Variants in NPLOC4 observed in about 807,000 individuals in gnomAD.
NPLOC4 encodes the protein NPL4 homolog, ubiquitin recognition factor.
Under a neutral mutation model 80.6 loss-of-function variants are expected in NPLOC4, and 18 were observed. The ratio of observed to expected loss-of-function variants is 0.22; its 90% confidence interval spans 0.15 to 0.33. NPLOC4 has a LOEUF of 0.33. NPLOC4 is among the 10% of genes least tolerant of loss of function. The pLI is 1.00. For missense variants in NPLOC4, 540 were observed against 786.1 expected (o/e 0.69, Z 3.74); for synonymous variants, 313 against 301.5 (o/e 1.04, Z -0.39).
At chr17:81,563,859 A>G (rs1351319123) in intron 16 of NPLOC4, 2 of 449,832 alleles carry the variant, frequency 4.4e-6, no homozygotes, top group East Asian at 1.4e-4. Flanking sequence ...ATGCAGGAAC[A>G]GCAAACCAAA....
chr17:81,591,447 G>GAAAAA (rs71367067), intron 11 of NPLOC4, among the ~76,000 whole-genome samples: 1,386 of 76,278 alleles, frequency 0.018, 97 homozygotes, highest in Non-Finnish European at 0.026. Context: ...GAGTAAAACA[G>GAAAAA]AAAAAAAAAA....
intron 12 of NPLOC4, among the ~76,000 whole-genome samples, chr17:81,586,680 G>A (rs936862410): frequency 6.6e-6 from 1 of 152,078 alleles, no homozygotes; most frequent in South Asian, 2.1e-4. Context: ...GCTGTATGAG[G>A]CATGAGGAAA....
At position 81,567,422 on chromosome 17, in the gene NPLOC4, G is replaced by A. The variant is rs374288121; in HGVS notation, c.1561C>T (p.Leu521=). ...LFLVTNEVMP[L]QDSISLLLEA... Reference sequence around the variant, plus strand: ...CACCACACTTGGACACGCACCTGCAGAGGCATAACTTCATTGGTGACCAGG... The same window carrying A: ...CACCACACTTGGACACGCACCTGCAAAGGCATAACTTCATTGGTGACCAGG... The change falls in exon 15 of 17, where the codon CTG becomes TTG. Residue 521 remains leucine, a synonymous_variant. Coordinates refer to ENST00000331134, the MANE Select transcript of NPLOC4 (RefSeq NM_017921.4). The surrounding 1 kb of genome is among the most constrained non-coding windows in gnomAD (Gnocchi z 4.5). 3.1e-6 allele frequency: 5 copies of A among 1,604,250 alleles called. No individual in the cohort carries two copies. Among genetic ancestry groups the A allele is most frequent in the Non-Finnish European group, 4.3e-6 (5 of 1,171,476 alleles).
chr17:81,583,520 G>A (rs575857850), intron 12 of NPLOC4, among the ~76,000 whole-genome samples: 1 of 152,174 alleles, frequency 6.6e-6, no homozygotes. Context: ...AAAGCCCCAC[G>A]TCCTGCCACC....
At chr17:81,602,974 CACAAAT>C (rs1402671000) in intron 8 of NPLOC4, among the ~76,000 whole-genome samples, 3 of 91,884 alleles carry the variant, frequency 3.3e-5, no homozygotes, top group Non-Finnish European at 6.4e-5. Context: ...CATATATATA[CACAAAT>C]ACACACACAC....
At chr17:81,578,750 C>A (rs755419293) in intron 12 of NPLOC4, among the ~76,000 whole-genome samples, 2 of 152,198 alleles carry the variant, frequency 1.3e-5, no homozygotes, top group Non-Finnish European at 2.9e-5. Flanking sequence ...ATTATCTCCA[C>A]CTCATCTCTC....
intron 12 of NPLOC4, among the ~76,000 whole-genome samples, chr17:81,579,497 G>A (rs1303658995): frequency 6.6e-6 from 1 of 152,070 alleles, no homozygotes; most frequent in Non-Finnish European, 1.5e-5. Context: ...TGGTCTAAAA[G>A]GTGGTCTCCA....
intron 7 of NPLOC4, 59 bp downstream of exon 7, chr17:81,606,632 C>G (rs2035210885): frequency 1.3e-6 from 2 of 1,577,844 alleles, no homozygotes; most frequent in African/African-American, 1.4e-5. Context: ...AGGGGCTCTT[C>G]TGGAAATATC....
chr17:81,588,922 CT>C, intron 12 of NPLOC4, 21 bp downstream of exon 12: 1 of 1,605,742 alleles, frequency 6.2e-7, no homozygotes, highest in East Asian at 2.2e-5. Context: ...GTACAGAGTT[CT>C]TTTTCTTACC....
chr17:81,589,182 T>C (rs2034666233), intron 11 of NPLOC4, 78 bp from the exon 12 acceptor site: 7 of 1,261,246 alleles, frequency 5.6e-6, no homozygotes, highest in South Asian at 1.5e-5. Flanking sequence ...TCTTCACCTC[T>C]GATCAACAGA....
intron 1 of NPLOC4, among the ~76,000 whole-genome samples, chr17:81,635,371 AAAAAG>A (rs1271772810): frequency 6.7e-6 from 1 of 148,992 alleles, no homozygotes; most frequent in African/African-American, 2.6e-5. Context: ...AAAAAAAAAA[AAAAAG>A]GAGTCGACGT....
chr17:81,572,526 G>GTA lies in NPLOC4; in HGVS notation c.1282-440_1282-439dup, dbSNP rs2034189411. Among the ~76,000 whole-genome samples the GTA allele has an allele frequency of 6.6e-6, 1 of 152,226 alleles. No individual in the cohort carries two copies. Among genetic ancestry groups the GTA allele is most frequent in the African/African-American group, 2.4e-5 (1 of 41,464 alleles). ...AAATTACTTCAAATCTTATTGAAGT[G>GTA]TATGGATAGCAGAAAGGAAAACGTG... On this transcript the variant is annotated intron_variant, in intron 12 of 16. Coordinates refer to ENST00000331134, the MANE Select transcript of NPLOC4 (RefSeq NM_017921.4). This position sits in a 1 kb window ranked among gnomAD's most constrained non-coding sequence, Gnocchi z 4.5.
intron 7 of NPLOC4, 45 bp downstream of exon 7, chr17:81,606,644 GTT>G: frequency 6.3e-7 from 1 of 1,589,458 alleles, no homozygotes; most frequent in Non-Finnish European, 8.6e-7. Flanking sequence ...GGAAATATCC[GTT>G]TCTCAGCCAT....
At chr17:81,622,316 G>A in intron 2 of NPLOC4, 38 bp from the exon 3 acceptor site, 1 of 1,439,956 alleles carries the variant, frequency 6.9e-7, no homozygotes, top group Non-Finnish European at 9.8e-7. Context: ...TTAATGAAAT[G>A]CTAAAGTATC....
In NPLOC4 at chr17:81,580,954, C is replaced by A. The variant is rs1435875649; in HGVS notation, c.1281+7990G>T. Reference sequence around the variant, plus strand: ...AGCTGGGGGCCTGGGAGAGACATGGCATGGAAGTACAAAATCCCCAGTGGC... The same window carrying A: ...AGCTGGGGGCCTGGGAGAGACATGGAATGGAAGTACAAAATCCCCAGTGGC... On this transcript the variant is annotated intron_variant, in intron 12 of 16. Transcript: ENST00000331134. The surrounding 1 kb of genome is among the most constrained non-coding windows in gnomAD (Gnocchi z 4.4). 1.3e-5 allele frequency among the ~76,000 whole-genome samples: 2 copies of A among 152,172 alleles called. No homozygotes were observed. Among genetic ancestry groups the A allele is most frequent in the Non-Finnish European group, 2.9e-5 (2 of 68,014 alleles).
chr17:81,561,472 A>G (rs1160249232), intron 16 of NPLOC4, among the ~76,000 whole-genome samples: 1 of 152,180 alleles, frequency 6.6e-6, no homozygotes, highest in African/African-American at 2.4e-5. Context: ...TTATTTATCA[A>G]TTTACCTATT....
At position 81,616,333 on chromosome 17, in the gene NPLOC4, A is replaced by AAAAAAAAAAAAAAAAAAAAGAAAC. The variant is rs780878214; in HGVS notation, c.210-2840_210-2839insGTTTCTTTTTTTTTTTTTTTTTTT. 2.9e-4 allele frequency among the ~76,000 whole-genome samples: 33 copies of AAAAAAAAAAAAAAAAAAAAGAAAC among 115,614 alleles called. 2 individuals are homozygous for AAAAAAAAAAAAAAAAAAAAGAAAC. The highest frequency in any genetic ancestry group is 8.0e-4 in the Admixed American group (8 of 9,974). 75.8% of individuals were successfully genotyped at this position (115,614 alleles called of 152,430 possible). On this transcript the variant is annotated intron_variant, in intron 3 of 16. Transcript: ENST00000331134. Reference sequence around the variant, plus strand: ...AAGACTCTGTCTCAAAAAAAAAAAAAAAAAAGAAAAGCAAAGCTGCTAAAT... The same window carrying AAAAAAAAAAAAAAAAAAAAGAAAC: ...AAGACTCTGTCTCAAAAAAAAAAAAAAAAAAAAAAAAAAAAAAAAGAAACAAAAAGAAAAGCAAAGCTGCTAAAT...
chr17:81,566,650 A>G (rs1449303904), intron 15 of NPLOC4: 2 of 152,286 alleles, frequency 1.3e-5, no homozygotes, highest in Non-Finnish European at 2.9e-5. Flanking sequence ...AGGATACAAG[A>G]ACAGCTATAG....
chr17:81,627,555 C>G (rs1568167609), intron 2 of NPLOC4, among the ~76,000 whole-genome samples: 2 of 151,940 alleles, frequency 1.3e-5, no homozygotes, highest in Non-Finnish European at 2.9e-5. Flanking sequence ...GCCTGACCAA[C>G]ATGGTGAAAC....
Sources: gnomAD v4.1 joint callset for allele counts (sites outside exome capture counted in the v4.1 genomes callset) on GRCh38, gnomAD v4.1.1 for gene constraint, Gnocchi (gnomAD v3.1) non-coding constraint, MANE v1.5 for transcripts, NCBI Gene and HGNC (gene_info 2026-07-23, HGNC 2026-07-21) for gene names.